CRACDL: variants seen among roughly 807,000 people sequenced by gnomAD.
CRACDL encodes the protein CRACD like.
A neutral mutation model predicts 70.6 loss-of-function variants in CRACDL; 26 were observed. That is an observed-to-expected ratio of 0.37 (90% confidence interval 0.27 to 0.51). CRACDL has a LOEUF of 0.51. CRACDL is among the 20% of genes least tolerant of loss of function. CRACDL has a pLI of 0.94. For missense variants in CRACDL, 1,283 were observed against 1,376.9 expected (o/e 0.93, Z 1.08); for synonymous variants, 618 against 615.2 (o/e 1.00, Z -0.07).
chr2:98,893,581 G>A (rs1245379955), intron 1 of CRACDL, among the ~76,000 whole-genome samples: 10 of 152,104 alleles, frequency 6.6e-5, no homozygotes, highest in Admixed American at 3.3e-4. Context: ...ACTGCACCCC[G>A]CCTGAAGGAG....
At chr2:98,926,961 A>T (rs1245778888) in intron 1 of CRACDL, among the ~76,000 whole-genome samples, 2 of 152,100 alleles carry the variant, frequency 1.3e-5, no homozygotes, top group African/African-American at 4.8e-5. Context: ...GTCTCCAGGG[A>T]TTCGTTTCTA....
At chr2:98,803,295 C>T (rs1326540849) in intron 7 of CRACDL, among the ~76,000 whole-genome samples, 2 of 152,064 alleles carry the variant, frequency 1.3e-5, no homozygotes, top group Non-Finnish European at 1.5e-5. Flanking sequence ...CCACTGTGCC[C>T]GGCCATGACT....
At position 98,818,648 on chromosome 2, in the gene CRACDL, C is replaced by T. The variant is rs143975572; in HGVS notation, c.2416+3209G>A. On this transcript the variant is annotated intron_variant, in intron 7 of 9. Transcript: ENST00000397899. ...TCATTATCTGTATGTTTTATGTGAA[C>T]TGAATTGCTTCTAGCTAATGTAATT... 1.9e-3 allele frequency among the ~76,000 whole-genome samples: 291 copies of T among 152,296 alleles called. 1 individual carries two copies. Among genetic ancestry groups the T allele is most frequent in the Middle Eastern group, 6.8e-3 (2 of 294 alleles).
intron 7 of CRACDL, among the ~76,000 whole-genome samples, chr2:98,809,292 C>T (rs1704455140): frequency 6.6e-6 from 1 of 151,988 alleles, no homozygotes; most frequent in African/African-American, 2.4e-5. Flanking sequence ...ACACTTGAAA[C>T]TGACACTGGG....
intron 2 of CRACDL, among the ~76,000 whole-genome samples, chr2:98,839,034 T>C (rs72811075): frequency 0.037 from 5,596 of 152,342 alleles, 137 homozygotes; most frequent in Middle Eastern, 0.065. Context: ...CCCGGAATAG[T>C]TACAGAACTG....
intron 1 of CRACDL, among the ~76,000 whole-genome samples, chr2:98,906,763 G>T (rs1294129320): frequency 6.6e-6 from 1 of 152,042 alleles, no homozygotes; most frequent in Non-Finnish European, 1.5e-5. Flanking sequence ...TTAATTGTAT[G>T]CTGGATATTG....
chr2:98,815,706 A>G (rs1031440054), intron 7 of CRACDL, among the ~76,000 whole-genome samples: 4 of 152,190 alleles, frequency 2.6e-5, no homozygotes, highest in Non-Finnish European at 5.9e-5. Flanking sequence ...AGGCTGGTGC[A>G]TACTTGGAGC....
intron 1 of CRACDL, among the ~76,000 whole-genome samples, chr2:98,875,350 C>T: frequency 6.6e-6 from 1 of 152,252 alleles, no homozygotes; most frequent in East Asian, 1.9e-4. Flanking sequence ...CTGCCACTTC[C>T]CTGTGCTTCT....
At chr2:98,859,028 G>GGTAAA (rs1706827599) in intron 1 of CRACDL, among the ~76,000 whole-genome samples, 1 of 152,172 alleles carries the variant, frequency 6.6e-6, no homozygotes, top group Non-Finnish European at 1.5e-5. Flanking sequence ...AGCTCCAAAT[G>GGTAAA]TCTTCATTGG....
intron 1 of CRACDL, among the ~76,000 whole-genome samples, chr2:98,886,408 G>A (rs916445783): frequency 2.6e-5 from 4 of 152,232 alleles, no homozygotes; most frequent in African/African-American, 9.6e-5. Flanking sequence ...TAAAAAGCTT[G>A]CAAGGAAGCT....
intron 5 of CRACDL, among the ~76,000 whole-genome samples, chr2:98,829,889 AG>A (rs2104492099): frequency 6.6e-6 from 1 of 152,200 alleles, no homozygotes; most frequent in Non-Finnish European, 1.5e-5. Flanking sequence ...TGGGAAGGAG[AG>A]GTGCTGATCT....
intron 1 of CRACDL, among the ~76,000 whole-genome samples, chr2:98,873,669 G>A (rs1279561057): frequency 6.6e-6 from 1 of 152,216 alleles, no homozygotes; most frequent in Non-Finnish European, 1.5e-5. Context: ...ATTACAACGT[G>A]CTTTTCCTCA....
At chr2:98,889,676 T>C (rs1707911273) in intron 1 of CRACDL, among the ~76,000 whole-genome samples, 1 of 152,218 alleles carries the variant, frequency 6.6e-6, no homozygotes, top group Admixed American at 6.5e-5. Flanking sequence ...AGCAGACATC[T>C]ATAGAATACT....
rs370983262 is a variant in CRACDL at position 98,796,183 on chromosome 2, C to A, written c.2686G>T (p.Gly896Trp). Residue 896 changes from glycine to tryptophan, a missense_variant, in exon 9 of 10, where the codon GGG becomes TGG. By Grantham distance (184) the Gly-to-Trp change is radical. Transcript: ENST00000397899. The part of the protein sequence containing the change: ...PVKPAVDRKQ[G>W]AKLNFKEGLQ... ...CCCTCCTTGAAGTTGAGCTTTGCCC[C>A]CTGCTTCCGGTCCACAGCGGGCTTC... 93 of 1,613,982 alleles carry A rather than the reference C, an allele frequency of 5.8e-5. No homozygotes were observed. Among genetic ancestry groups the A allele is most frequent in the Non-Finnish European group, 7.7e-5 (91 of 1,179,940 alleles).
chr2:98,917,326 T>C (rs1434983907), intron 1 of CRACDL, among the ~76,000 whole-genome samples: 1 of 152,216 alleles, frequency 6.6e-6, no homozygotes, highest in Admixed American at 6.5e-5. Flanking sequence ...ATTGTTTCCT[T>C]GGGATAAATT....
At chr2:98,912,445 G>A (rs1241846636) in intron 1 of CRACDL, among the ~76,000 whole-genome samples, 3 of 152,288 alleles carry the variant, frequency 2.0e-5, no homozygotes, top group African/African-American at 7.2e-5. Flanking sequence ...ACCCATGCAG[G>A]GTCCATGTTT....
chr2:98,888,148 C>G (rs972304539), intron 1 of CRACDL, among the ~76,000 whole-genome samples: 2 of 152,134 alleles, frequency 1.3e-5, no homozygotes, highest in Non-Finnish European at 2.9e-5. Context: ...TTAGCACTAG[C>G]AAACCTGTCT....
chr2:98,865,344 G>A (rs1018848558), intron 1 of CRACDL, among the ~76,000 whole-genome samples: 7 of 151,986 alleles, frequency 4.6e-5, no homozygotes, highest in Admixed American at 2.0e-4. Context: ...AAGACCTCCC[G>A]CGACATACTA....
chr2:98,794,727 CCTTAAGCCT>C, intron 9 of CRACDL, 56 bp from the exon 10 acceptor site: 1 of 1,518,364 alleles, frequency 6.6e-7, no homozygotes, highest in East Asian at 2.3e-5. Context: ...TCGAATTTTC[CCTTAAGCCT>C]CTTGTGTTTC....
Sources: allele counts gnomAD v4.1 joint callset (sites outside exome capture counted in the v4.1 genomes callset), GRCh38; gene constraint gnomAD v4.1.1; transcripts MANE v1.5; gene names NCBI Gene and HGNC (gene_info 2026-07-23, HGNC 2026-07-21).